The following SUN3 variants were observed in gnomAD, a reference collection of about 807,000 sequenced individuals.
SUN3 encodes the protein Sad1 and UNC84 domain containing 3.
SUN3 carries 36 observed loss-of-function variants against 48.2 expected under a neutral mutation model. The ratio of observed to expected loss-of-function variants is 0.75; its 90% CI spans 0.57 to 0.99. The LOEUF (loss-of-function observed/expected upper bound fraction) is 0.99. SUN3 is among the 50% of genes least tolerant of loss of function. The probability of loss-of-function intolerance (pLI) is 0.00; values close to 1 mark genes in which losing one functional copy is unlikely to be tolerated. For synonymous variants in SUN3, 148 were observed against 147.9 expected (o/e 1.00, Z 0.00); for missense variants, 419 against 433.1 (o/e 0.97, Z 0.29).
At chr7:48,032,709 T>C (rs1220128928), upstream of SUN3, among the ~76,000 whole-genome samples, 1 of 152,208 alleles carries the variant, frequency 6.6e-6, no homozygotes, top group Non-Finnish European at 1.5e-5. Flanking sequence ...GACTATGTTG[T>C]ATGTTCTAGA....
intron 1 of SUN3, among the ~76,000 whole-genome samples, chr7:48,026,885 A>T (rs1190425833): frequency 2.0e-5 from 3 of 152,072 alleles, no homozygotes; most frequent in Non-Finnish European, 2.9e-5. Flanking sequence ...CAAAACTGTT[A>T]AAAAAAGTAA....
intron 2 of SUN3, among the ~76,000 whole-genome samples, chr7:48,021,750 T>C (rs1335307920): frequency 6.6e-6 from 1 of 152,080 alleles, no homozygotes; most frequent in Non-Finnish European, 1.5e-5. Flanking sequence ...AAATGGCTTA[T>C]ACCCAAAAGA....
upstream of SUN3, among the ~76,000 whole-genome samples, chr7:48,032,999 A>C (rs556142172): frequency 2.6e-5 from 4 of 152,396 alleles, no homozygotes; most frequent in East Asian, 7.7e-4. Flanking sequence ...GCTCATAAGC[A>C]GGAGATTATC....
intron 7 of SUN3, 36 bp downstream of exon 7, chr7:47,995,995 T>G: frequency 7.6e-7 from 1 of 1,309,194 alleles, no homozygotes; most frequent in Non-Finnish European, 1.1e-6. Flanking sequence ...AACAAAATTC[T>G]AAAATAGAAA....
chr7:47,987,435 T>C lies in SUN3; in HGVS notation c.969A>G (p.Glu323=). The C allele has an allele frequency of 6.4e-7, 1 of 1,568,024 alleles. No homozygotes were observed. Among genetic ancestry groups the C allele is most frequent in the South Asian group, 1.2e-5 (1 of 82,210 alleles). The change falls in exon 10 of 10, where the codon GAA becomes GAG. Residue 323 remains glutamate (E), a synonymous_variant. Transcript: ENST00000297325. ...QTFELQHAVS[E]YLLCVKLNIF... ...TATTAAGTTTCACACATAATAAATA[T>C]TCAGAAACTGCATGCTGAAAATAAA...
In SUN3 at chr7:48,026,323, G is replaced by A. The variant is rs544978477; in HGVS notation, c.123-385C>T. Among the ~76,000 whole-genome samples the A allele has an allele frequency of 1.4e-3, 219 of 152,222 alleles. 2 individuals carry two copies. Among genetic ancestry groups the A allele is most frequent in the African/African-American group, 4.9e-3 (203 of 41,542 alleles). ...AGAAAAAAAAGAAAAATCAGGTTCT[G>A]ATTTTATGGAAATTTTGTACTAAGC... On this transcript the variant is annotated intron_variant, in intron 1 of 9. Transcript: ENST00000297325.
upstream of SUN3, among the ~76,000 whole-genome samples, chr7:48,033,174 A>T (rs1003588954): frequency 3.3e-5 from 5 of 152,210 alleles, no homozygotes; most frequent in Non-Finnish European, 7.3e-5. Flanking sequence ...TAAATAAATT[A>T]TTCTTGTATC....
upstream of SUN3, chr7:48,029,131 C>A (rs780699771): frequency 2.2e-5 from 16 of 743,108 alleles, no homozygotes; most frequent in Non-Finnish European, 2.7e-5. Flanking sequence ...CATCATCCTC[C>A]GTGACACCTC....
chr7:48,007,394 G>A (rs1232240145), intron 4 of SUN3, 67 bp from the exon 5 acceptor site: 1 of 1,468,116 alleles, frequency 6.8e-7, no homozygotes, highest in Non-Finnish European at 9.4e-7. Context: ...CTGTTGCTGG[G>A]CTCCACCCGC....
Position 48,004,030 on chromosome 7 carries a change from C to T in SUN3, c.577+1939G>A, listed in dbSNP as rs140432547. Among the ~76,000 whole-genome samples the T allele has an allele frequency of 3.3e-3, 495 of 152,120 alleles. 5 individuals carry two copies. The highest frequency in any genetic ancestry group is 0.027 in the Middle Eastern group (8 of 294). ...TATAGTCAATATTTATTTTAGATATCGTATTTTTCAGTTCTAAAATTCCAT... is the reference window on the plus strand; with the variant it reads ...TATAGTCAATATTTATTTTAGATATTGTATTTTTCAGTTCTAAAATTCCAT... On this transcript the variant is annotated intron_variant, in intron 6 of 9. Transcript: ENST00000297325.
intron 6 of SUN3, among the ~76,000 whole-genome samples, chr7:47,999,929 T>C (rs556497635): frequency 1.3e-5 from 2 of 151,420 alleles, no homozygotes; most frequent in South Asian, 4.1e-4. Flanking sequence ...GCTCATAGTT[T>C]ATTTGAGTTA....
intron 3 of SUN3, among the ~76,000 whole-genome samples, chr7:48,014,712 G>A (rs538094721): frequency 6.6e-6 from 1 of 152,326 alleles, no homozygotes; most frequent in East Asian, 1.9e-4. Flanking sequence ...ACTTACAAGT[G>A]TATTAGTCAG....
intron 3 of SUN3, among the ~76,000 whole-genome samples, chr7:48,015,046 T>C (rs1361931063): frequency 1.3e-5 from 2 of 152,318 alleles, no homozygotes; most frequent in East Asian, 3.9e-4. Flanking sequence ...CACTGCAATA[T>C]CTAGACTGGT....
At chr7:48,005,767 T>G (rs2128775918) in intron 6 of SUN3, among the ~76,000 whole-genome samples, 1 of 152,016 alleles carries the variant, frequency 6.6e-6, no homozygotes, top group Admixed American at 6.5e-5. Flanking sequence ...TTGCACAGGC[T>G]TTTTTCCCTG....
rs530864563 is a variant in SUN3, at chr7:48,008,430, A to T, written c.329+605T>A. Among the ~76,000 whole-genome samples the T allele has an allele frequency of 3.3e-5, 5 of 152,370 alleles. No homozygotes were observed. The East Asian group carries it at 9.6e-4, about 29-fold the overall frequency. On this transcript the variant is annotated intron_variant, in intron 4 of 9. Coordinates refer to ENST00000297325, the MANE Select transcript of SUN3 (RefSeq NM_001030019.2). ...CTTCCAAATCATTAAAAACTATTTTAAAATTATTTAAATGGCTTTATAATT... is the reference window on the plus strand; with the variant it reads ...CTTCCAAATCATTAAAAACTATTTTTAAATTATTTAAATGGCTTTATAATT...
intron 8 of SUN3, among the ~76,000 whole-genome samples, chr7:47,990,784 G>A (rs891243088): frequency 6.6e-6 from 1 of 150,598 alleles, no homozygotes; most frequent in Admixed American, 6.7e-5. Context: ...AAAAGAACAA[G>A]ATCGTGTCCT....
At chr7:47,994,850 ATGG>A (rs1332456761) in intron 7 of SUN3, among the ~76,000 whole-genome samples, 5 of 151,948 alleles carry the variant, frequency 3.3e-5, no homozygotes, top group South Asian at 2.1e-4. Flanking sequence ...GGTGACAGTG[ATGG>A]TGGTGGTGGT....
At chr7:48,028,752 C>A (rs1790205053) in intron 1 of SUN3, 65 bp downstream of exon 1, 7 of 1,581,460 alleles carry the variant, frequency 4.4e-6, no homozygotes, top group Non-Finnish European at 6.0e-6. Flanking sequence ...TGAACAGACA[C>A]AAGTGACAGA....
At chr7:48,024,255 C>T (rs981010315) in intron 2 of SUN3, among the ~76,000 whole-genome samples, 12 of 152,050 alleles carry the variant, frequency 7.9e-5, no homozygotes, top group African/African-American at 2.7e-4. Flanking sequence ...GAAATGTTTT[C>T]AAGTGATATA....
Sources: allele counts gnomAD v4.1 joint callset (sites outside exome capture counted in the v4.1 genomes callset), GRCh38; gene constraint gnomAD v4.1.1; transcripts MANE v1.5; gene names NCBI Gene and HGNC (gene_info 2026-07-23, HGNC 2026-07-21).